The following POFUT3 variants were observed in gnomAD, a reference collection of about 807,000 sequenced individuals.
POFUT3 encodes the protein GDP-fucose protein O-fucosyltransferase 3.
the POFUT3 span, among the ~76,000 whole-genome samples, chr8:33,405,292 CA>C: frequency 4.8e-5 from 7 of 145,264 alleles, no homozygotes; most frequent in Non-Finnish European, 7.6e-5. Flanking sequence ...GACTCCGTCT[CA>C]AAAAAAAAAG....
At chr8:33,382,157 G>A in the POFUT3 span, among the ~76,000 whole-genome samples, 2 of 152,086 alleles carry the variant, frequency 1.3e-5, no homozygotes, top group Non-Finnish European at 2.9e-5. Context: ...GCCAGGCATG[G>A]TGGCTGCGCC....
chr8:33,463,342 TAC>T, the POFUT3 span, among the ~76,000 whole-genome samples: 3 of 151,866 alleles, frequency 2.0e-5, no homozygotes, highest in Non-Finnish European at 4.4e-5. Flanking sequence ...CCGTCTCTAC[TAC>T]AAATACAAAA....
At chr8:33,325,284 T>C in the POFUT3 span, among the ~76,000 whole-genome samples, 2 of 152,184 alleles carry the variant, frequency 1.3e-5, no homozygotes, top group African/African-American at 4.8e-5. Flanking sequence ...TTTCTCACAC[T>C]CAATTCAAAT....
the POFUT3 span, among the ~76,000 whole-genome samples, chr8:33,404,511 C>T: frequency 6.6e-6 from 1 of 152,128 alleles, no homozygotes; most frequent in African/African-American, 2.4e-5. Flanking sequence ...GGAGAAATGG[C>T]AGAGTAAAAG....
At chr8:33,331,958 A>G in the POFUT3 span, among the ~76,000 whole-genome samples, 1 of 142,912 alleles carries the variant, frequency 7.0e-6, no homozygotes, top group East Asian at 2.3e-4. Flanking sequence ...TTACAGGCGG[A>G]GCCACCGCGC....
the POFUT3 span, among the ~76,000 whole-genome samples, chr8:33,426,154 C>T: frequency 1.3e-5 from 2 of 152,158 alleles, no homozygotes; most frequent in Non-Finnish European, 2.9e-5. Flanking sequence ...ATCCACCCAC[C>T]TCAGCCTCCC....
chr8:33,391,918 G>A, the POFUT3 span, among the ~76,000 whole-genome samples: 1 of 152,144 alleles, frequency 6.6e-6, no homozygotes. Flanking sequence ...AGCTCAGCAT[G>A]GGTGCACCTC....
chr8:33,458,712 TCAAAAAA>T, the POFUT3 span, among the ~76,000 whole-genome samples: 1 of 151,568 alleles, frequency 6.6e-6, no homozygotes, highest in Non-Finnish European at 1.5e-5. Flanking sequence ...AGACTCCGTC[TCAAAAAA>T]CAAAAAACAA....
the POFUT3 span, among the ~76,000 whole-genome samples, chr8:33,387,844 A>C: frequency 1.3e-4 from 20 of 152,288 alleles, no homozygotes; most frequent in South Asian, 4.1e-3. Flanking sequence ...ATAAAACCTT[A>C]CACATCTATG....
the POFUT3 span, among the ~76,000 whole-genome samples, chr8:33,350,900 T>C: frequency 2.6e-5 from 4 of 152,262 alleles, no homozygotes; most frequent in Non-Finnish European, 5.9e-5. Flanking sequence ...TACATTTATA[T>C]ACATTTGAAA....
At chr8:33,462,908 G>A in the POFUT3 span, among the ~76,000 whole-genome samples, 3 of 151,290 alleles carry the variant, frequency 2.0e-5, no homozygotes, top group Admixed American at 6.6e-5. Context: ...TCTAGCGTAG[G>A]CAACAGAGCA....
chr8:33,332,711 G>C, the POFUT3 span, among the ~76,000 whole-genome samples: 4 of 152,068 alleles, frequency 2.6e-5, no homozygotes, highest in Non-Finnish European at 5.9e-5. Flanking sequence ...CTTCTCTTCT[G>C]CATCAACAAT....
chr8:33,406,693 G>A, the POFUT3 span, among the ~76,000 whole-genome samples: 1,476 of 152,008 alleles, frequency 9.7e-3, 11 homozygotes, highest in African/African-American at 0.015. Flanking sequence ...AGCCTCCCAA[G>A]TACCTGGAAC....
the POFUT3 span, among the ~76,000 whole-genome samples, chr8:33,333,349 G>A: frequency 6.6e-6 from 1 of 152,180 alleles, no homozygotes; most frequent in Non-Finnish European, 1.5e-5. Flanking sequence ...ATGTAGTGGG[G>A]TTGAAGGGCT....
chr8:33,411,124 T>C, the POFUT3 span, among the ~76,000 whole-genome samples: 2 of 152,184 alleles, frequency 1.3e-5, no homozygotes, highest in Non-Finnish European at 2.9e-5. Context: ...ACCACAGAGA[T>C]ATTGTTGAGT....
At chr8:33,359,930 C>T in the POFUT3 span, among the ~76,000 whole-genome samples, 2 of 151,732 alleles carry the variant, frequency 1.3e-5, no homozygotes, top group African/African-American at 2.4e-5. Flanking sequence ...TGCTTACACC[C>T]GGGAGGCGGA....
chr8:33,364,375 C>G, the POFUT3 span, among the ~76,000 whole-genome samples: 1 of 152,136 alleles, frequency 6.6e-6, no homozygotes, highest in African/African-American at 2.4e-5. Context: ...ACAAGGATGC[C>G]CTCTCTCACC....
chr8:33,389,367 T>A, the POFUT3 span: 1 of 1,614,136 alleles, frequency 6.2e-7, no homozygotes. Flanking sequence ...TGTGCAATGA[T>A]CCTATAAAAG....
the POFUT3 span, among the ~76,000 whole-genome samples, chr8:33,448,951 G>A: frequency 1.3e-5 from 2 of 152,012 alleles, no homozygotes; most frequent in Admixed American, 6.6e-5. Flanking sequence ...AAGACTCTAA[G>A]TCTCTAAGAA....
Sources: allele counts gnomAD v4.1 joint callset (sites outside exome capture counted in the v4.1 genomes callset), GRCh38; gene constraint gnomAD v4.1.1; transcripts MANE v1.5; gene names NCBI Gene and HGNC (gene_info 2026-07-23, HGNC 2026-07-21).